NRXN3: variants seen among roughly 807,000 people sequenced by gnomAD.
NRXN3 encodes the protein neurexin 3, also known as neurexin III.
In NRXN3, 32 loss-of-function variants were observed where a neutral mutation model predicts 137.6. The ratio of observed to expected loss-of-function variants is 0.23; its 90% CI spans 0.18 to 0.31. NRXN3 has a LOEUF of 0.31. Ranked by LOEUF, NRXN3 falls within the 10% of genes least tolerant of loss-of-function variation. NRXN3 has a pLI of 1.00. For synonymous variants in NRXN3, 798 were observed against 784.5 expected, an observed-to-expected ratio of 1.02 and a Z score of -0.29; for missense variants, 1,574 against 2,062.5, an observed-to-expected ratio of 0.76 and a Z score of 4.59.
rs994613438 is a variant in NRXN3 at position 79,273,954 on chromosome 14, G to A, written c.3263-193267G>A. Among the ~76,000 whole-genome samples, 10 of 151,726 alleles carry A rather than the reference G, an allele frequency of 6.6e-5. No homozygotes were observed. The South Asian group carries it at 1.0e-3, about 16-fold the overall frequency. ...TACTAAATATACAAAAAAATTAGCC[G>A]GGCATGGTGGTGCATTCCTGTAATC... On this transcript the variant is annotated intron_variant, in intron 15 of 20. Transcript: ENST00000335750.
chr14:79,423,172 A>T (rs1470644272), intron 15 of NRXN3, among the ~76,000 whole-genome samples: 1 of 152,072 alleles, frequency 6.6e-6, no homozygotes, highest in Non-Finnish European at 1.5e-5. Flanking sequence ...CCAGGGGTAA[A>T]ATGCCCTTCA....
At chr14:79,104,782 C>T (rs2052058610) in intron 15 of NRXN3, among the ~76,000 whole-genome samples, 2 of 150,598 alleles carry the variant, frequency 1.3e-5, no homozygotes, top group African/African-American at 4.9e-5. Flanking sequence ...TTATCACATC[C>T]TAATTTTTCT....
At chr14:79,021,739 A>C (rs1188980963) in intron 15 of NRXN3, among the ~76,000 whole-genome samples, 2 of 152,204 alleles carry the variant, frequency 1.3e-5, no homozygotes, top group Non-Finnish European at 2.9e-5. Context: ...GGCAGTGCCT[A>C]AACACCGGAA....
intron 10 of NRXN3, among the ~76,000 whole-genome samples, chr14:78,852,401 G>C (rs2152490758): frequency 6.6e-6 from 1 of 152,254 alleles, no homozygotes; most frequent in African/African-American, 2.4e-5. Flanking sequence ...ATAATGACAT[G>C]AGTCTAAGTG....
At chr14:79,737,142 G>A (rs2098944768) in intron 19 of NRXN3, among the ~76,000 whole-genome samples, 1 of 152,138 alleles carries the variant, frequency 6.6e-6, no homozygotes, top group South Asian at 2.1e-4. Context: ...AACCCAAACT[G>A]GACTTTTTAA....
intron 17 of NRXN3, among the ~76,000 whole-genome samples, chr14:79,674,417 C>T (rs967370648): frequency 6.6e-6 from 1 of 151,982 alleles, no homozygotes; most frequent in Non-Finnish European, 1.5e-5. Context: ...GTCATCTCCC[C>T]AGTGGTTCCA....
At chr14:79,500,056 G>T (rs111400677) in intron 16 of NRXN3, among the ~76,000 whole-genome samples, 1,558 of 150,998 alleles carry the variant, frequency 0.01, 18 homozygotes, top group Non-Finnish European at 0.016. Context: ...TTTAGTAAAG[G>T]TTATAAATCT....
intron 2 of NRXN3, among the ~76,000 whole-genome samples, chr14:78,245,110 G>A (rs1456995462): frequency 6.6e-6 from 1 of 152,190 alleles, no homozygotes; most frequent in African/African-American, 2.4e-5. Flanking sequence ...CAGGAGGCAA[G>A]GAAGTCACAT....
intron 4 of NRXN3, among the ~76,000 whole-genome samples, chr14:78,407,489 T>C (rs2092561503): frequency 6.6e-6 from 1 of 152,180 alleles, no homozygotes; most frequent in Admixed American, 6.5e-5. Flanking sequence ...TTTCCTGTGT[T>C]TGAACCAAAT....
At chr14:78,194,590 G>A (rs932386027) in intron 1 of NRXN3, among the ~76,000 whole-genome samples, 1 of 152,152 alleles carries the variant, frequency 6.6e-6, no homozygotes, top group Non-Finnish European at 1.5e-5. Context: ...GGGAGGACCC[G>A]CTCATCTACC....
chr14:79,298,645 T>C (rs2084613571), intron 15 of NRXN3: 1 of 152,130 alleles, frequency 6.6e-6, no homozygotes, highest in Non-Finnish European at 1.5e-5. Flanking sequence ...TCTGTTTTTT[T>C]CTTCTAGCGT....
chr14:79,489,136 A>G (rs565236000), intron 16 of NRXN3, among the ~76,000 whole-genome samples: 1 of 152,334 alleles, frequency 6.6e-6, no homozygotes, highest in Non-Finnish European at 1.5e-5. Flanking sequence ...TCAAATATAT[A>G]GGATTGTTAA....
rs1187402431 is a variant in NRXN3 at position 79,861,547 on chromosome 14, T to C, written c.4299T>C (p.Asp1433=). ...CAGCTGGCAAAATGAATAACCGTGA[T>C]CTCAAACCCCAGCCTGATATAGTCT... The part of the protein sequence containing the change: ...KLPAGKMNNR[D]LKPQPDIVLL... Residue 1433 remains aspartate, a synonymous_variant, in exon 21 of 21, where the codon GAT becomes GAC. Transcript: ENST00000335750. The surrounding 1 kb of genome is among the most constrained non-coding windows in gnomAD (Gnocchi z 5.4). 5.1e-6 allele frequency: 8 copies of C among 1,565,166 alleles called. No homozygotes were observed. The highest frequency in any genetic ancestry group is 6.9e-6 in the Non-Finnish European group (8 of 1,157,510).
At chr14:79,016,036 A>T (rs7142308) in intron 15 of NRXN3, among the ~76,000 whole-genome samples, 1 of 152,062 alleles carries the variant, frequency 6.6e-6, no homozygotes, top group South Asian at 2.1e-4. Flanking sequence ...TTTCCAAAGC[A>T]AGTGTCTTTC....
intron 10 of NRXN3, among the ~76,000 whole-genome samples, chr14:78,825,308 T>G (rs2152372172): frequency 6.6e-6 from 1 of 151,896 alleles, no homozygotes; most frequent in Admixed American, 6.6e-5. Context: ...AGATTGAAGA[T>G]GATGACTCAG....
intron 15 of NRXN3, among the ~76,000 whole-genome samples, chr14:79,107,658 T>C (rs936483817): frequency 3.3e-5 from 5 of 152,012 alleles, no homozygotes; most frequent in Non-Finnish European, 5.9e-5. Context: ...ATTTTTTGGG[T>C]AGTGCTAACA....
At position 78,957,264 on chromosome 14, in the gene NRXN3, T is replaced by G; in HGVS notation, c.2298T>G (p.Tyr766Ter). 1 of 1,614,132 alleles carries G rather than the reference T, an allele frequency of 6.2e-7. No individual in the cohort carries two copies. Among genetic ancestry groups the G allele is most frequent in the Non-Finnish European group, 8.5e-7 (1 of 1,180,000 alleles). ...CNSSKGPETLYAGQKLNDNEW... is the reference protein window; with the variant it reads ...CNSSKGPETL ...TAGGCAAAGGACCAGAGACCTTGTA[T>G]GCAGGGCAGAAGCTCAATGACAACG... The change falls in exon 11 of 21, where the codon TAT (tyrosine) becomes TAG (stop). Residue 766 changes from tyrosine to a stop codon, truncating the protein, a stop_gained. Transcript: ENST00000335750. LOFTEE classifies it high-confidence loss of function.
chr14:79,198,169 T>C (rs954073713), intron 15 of NRXN3, among the ~76,000 whole-genome samples: 2 of 152,206 alleles, frequency 1.3e-5, no homozygotes, highest in Non-Finnish European at 2.9e-5. Flanking sequence ...CTAATGTGAT[T>C]TATATGAAAT....
At chr14:79,147,672 G>A (rs756350813) in intron 15 of NRXN3, among the ~76,000 whole-genome samples, 2 of 152,100 alleles carry the variant, frequency 1.3e-5, no homozygotes, top group Non-Finnish European at 2.9e-5. Flanking sequence ...GGCATATTTT[G>A]TTTTGTATCA....
Sources: gnomAD v4.1 joint callset for allele counts (sites outside exome capture counted in the v4.1 genomes callset) on GRCh38, gnomAD v4.1.1 for gene constraint, Gnocchi (gnomAD v3.1) non-coding constraint, MANE v1.5 for transcripts, NCBI Gene and HGNC (gene_info 2026-07-23, HGNC 2026-07-21) for gene names.